The following SPATA6 variants were observed in gnomAD, a reference collection of about 807,000 sequenced individuals.
SPATA6 encodes spermatogenesis associated 6, also known as spermatogenesis-associated protein 6.
A neutral mutation model predicts 65.3 loss-of-function variants in SPATA6; 56 were observed. The ratio of observed to expected loss-of-function variants is 0.86; its 90% CI spans 0.69 to 1.07. The LOEUF is 1.07. Among genes scored for constraint, SPATA6 ranks in the 50% least tolerant of loss-of-function variants. SPATA6 has a pLI of 0.00. For synonymous variants in SPATA6, 199 were observed against 213.2 expected (o/e 0.93, Z 0.58); for missense variants, 590 against 594.8 (o/e 0.99, Z 0.08).
At chr1:48,329,498 G>C (rs1241810314) in intron 11 of SPATA6, among the ~76,000 whole-genome samples, 2 of 152,178 alleles carry the variant, frequency 1.3e-5, no homozygotes. Flanking sequence ...TTAAAACATA[G>C]GGGGACAAAT....
At chr1:48,461,097 T>C (rs1025556500) in intron 1 of SPATA6, among the ~76,000 whole-genome samples, 2 of 152,050 alleles carry the variant, frequency 1.3e-5, no homozygotes, top group Non-Finnish European at 2.9e-5. Flanking sequence ...AAAAATATGA[T>C]AGCTTTTTTC....
At chr1:48,374,032 C>T (rs1647605279) in intron 9 of SPATA6, among the ~76,000 whole-genome samples, 2 of 152,252 alleles carry the variant, frequency 1.3e-5, no homozygotes, top group South Asian at 4.1e-4. Context: ...TAGAACTAGG[C>T]CCCATCTACC....
chr1:48,423,560 C>CTTTTTTTT (rs1273413209), intron 3 of SPATA6, among the ~76,000 whole-genome samples: 1 of 99,044 alleles, frequency 1.0e-5, no homozygotes, highest in African/African-American at 3.3e-5. Flanking sequence ...TTCTTTCTTT[C>CTTTTTTTT]TTTCTTTTTT....
the SPATA6 span, among the ~76,000 whole-genome samples, chr1:48,270,146 G>A: frequency 6.6e-6 from 1 of 152,100 alleles, no homozygotes; most frequent in South Asian, 2.1e-4. Flanking sequence ...GGGTTCCAGA[G>A]GAAGTGCATC....
At chr1:48,408,900 A>G (rs1651955670) in intron 5 of SPATA6, among the ~76,000 whole-genome samples, 1 of 152,208 alleles carries the variant, frequency 6.6e-6, no homozygotes, top group South Asian at 2.1e-4. Context: ...ATAGCACATG[A>G]GAATTATGGG....
chr1:48,400,299 A>G, intron 6 of SPATA6, among the ~76,000 whole-genome samples: 1 of 152,098 alleles, frequency 6.6e-6, no homozygotes, highest in African/African-American at 2.4e-5. Context: ...TAGGAATATA[A>G]AAAGCATTAT....
At chr1:48,345,776 C>G (rs1646347242) in intron 11 of SPATA6, among the ~76,000 whole-genome samples, 1 of 152,044 alleles carries the variant, frequency 6.6e-6, no homozygotes, top group Non-Finnish European at 1.5e-5. Flanking sequence ...AAACACCCTT[C>G]TAAGACTGAA....
At chr1:48,282,957 G>A in the SPATA6 span, among the ~76,000 whole-genome samples, 1 of 152,052 alleles carries the variant, frequency 6.6e-6, no homozygotes, top group African/African-American at 2.4e-5. Context: ...TGATAGACTG[G>A]ATTAAGAAAA....
At chr1:48,334,736 C>T (rs1481869822) in intron 11 of SPATA6, among the ~76,000 whole-genome samples, 3 of 152,160 alleles carry the variant, frequency 2.0e-5, no homozygotes, top group African/African-American at 7.2e-5. Context: ...GACAAGGATG[C>T]CCTCTCTCAC....
intron 11 of SPATA6, chr1:48,325,973 A>G (rs542152925): frequency 4.0e-6 from 1 of 247,282 alleles, no homozygotes; most frequent in African/African-American, 2.3e-5. Flanking sequence ...TTTATCCCAA[A>G]TAAGTAATAC....
chr1:48,466,818 G>C (rs1399812818), intron 1 of SPATA6, among the ~76,000 whole-genome samples: 1 of 152,036 alleles, frequency 6.6e-6, no homozygotes, highest in Non-Finnish European at 1.5e-5. Context: ...AGTAGTGACT[G>C]AAAGAAGCCA....
chr1:48,292,439 C>A (rs1644774323), downstream of SPATA6, among the ~76,000 whole-genome samples: 1 of 152,218 alleles, frequency 6.6e-6, no homozygotes, highest in South Asian at 2.1e-4. Flanking sequence ...AGTGGTGCCA[C>A]TGGATATAGC....
intron 11 of SPATA6, among the ~76,000 whole-genome samples, chr1:48,333,290 G>A (rs369102808): frequency 1.2e-4 from 19 of 152,160 alleles, no homozygotes; most frequent in Admixed American, 7.9e-4. Flanking sequence ...CATCAGACTC[G>A]AAGTTCTTTG....
chr1:48,298,733 G>A lies in SPATA6; in HGVS notation c.1447C>T (p.His483Tyr). The A allele has an allele frequency of 1.2e-6, 2 of 1,613,128 alleles. No individual in the cohort carries two copies. Among genetic ancestry groups the A allele is most frequent in the Non-Finnish European group, 8.5e-7 (1 of 1,179,580 alleles). ...LYKKACSSAS[H>Y]TQESF The stretch of plus-strand genomic sequence containing the variant: ...TGGTCTCAGAAGCTTTCCTGTGTAT[G>A]TGAAGCAGAACTACAGGCCTTTTTG... Residue 483 changes from histidine (H) to tyrosine (Y), a missense_variant, in exon 13 of 13, where the codon CAT (histidine) becomes TAT (tyrosine). Transcript: ENST00000371847.
At chr1:48,357,677 C>G (rs1646697052) in intron 10 of SPATA6, among the ~76,000 whole-genome samples, 1 of 151,972 alleles carries the variant, frequency 6.6e-6, no homozygotes, top group Non-Finnish European at 1.5e-5. Flanking sequence ...GCTTAGTGAC[C>G]TATAAAAAGC....
At chr1:48,286,564 G>C in the SPATA6 span, among the ~76,000 whole-genome samples, 1 of 151,924 alleles carries the variant, frequency 6.6e-6, no homozygotes, top group Non-Finnish European at 1.5e-5. Flanking sequence ...AGAGTCTTTA[G>C]GCTTTCTATA....
chr1:48,399,246 A>G (rs1435056016), intron 7 of SPATA6, 105 bp downstream of exon 7: 1 of 1,286,834 alleles, frequency 7.8e-7, no homozygotes, highest in Admixed American at 2.6e-5. Context: ...AGAAGAGAAA[A>G]GTATTATTAA....
chr1:48,435,976 T>G, intron 3 of SPATA6: 1 of 1,601,830 alleles, frequency 6.2e-7, no homozygotes, highest in African/African-American at 1.3e-5. Context: ...AATGTCTCTT[T>G]TGGATTGCTT....
intron 7 of SPATA6, among the ~76,000 whole-genome samples, chr1:48,396,603 C>G (rs181270665): frequency 6.6e-6 from 1 of 151,810 alleles, no homozygotes; most frequent in Non-Finnish European, 1.5e-5. Flanking sequence ...AAGAAATTCT[C>G]ACATATGCTA....
Sources: gnomAD v4.1 joint callset for allele counts (sites outside exome capture counted in the v4.1 genomes callset) on GRCh38, gnomAD v4.1.1 for gene constraint, MANE v1.5 for transcripts, NCBI Gene and HGNC (gene_info 2026-07-23, HGNC 2026-07-21) for gene names.